SLC6A5: variants seen among roughly 807,000 people sequenced by gnomAD.
SLC6A5 encodes solute carrier family 6 member 5, also known as sodium- and chloride-dependent glycine transporter 2.
Under a neutral mutation model 90.5 loss-of-function variants are expected in SLC6A5, and 58 were observed. The observed-to-expected ratio is 0.64, with a 90% CI of 0.52 to 0.80. The LOEUF is 0.80. SLC6A5 is among the 30% of genes least tolerant of loss of function. The pLI is 0.00. For synonymous variants in SLC6A5, 427 were observed against 401.4 expected (o/e 1.06, Z -0.76); for missense variants, 1,015 against 1,017.6 (o/e 1.00, Z 0.03).
chr11:20,611,359 A>T (rs1339638920), intron 5 of SLC6A5, among the ~76,000 whole-genome samples: 1 of 152,194 alleles, frequency 6.6e-6, no homozygotes, highest in Non-Finnish European at 1.5e-5. Flanking sequence ...GGAGGCTGAG[A>T]CATGAGAATC....
At chr11:20,620,067 A>G (rs10741846) in intron 7 of SLC6A5, among the ~76,000 whole-genome samples, 151,383 of 152,292 alleles carry the variant, frequency 0.99, 75,251 homozygotes, top group East Asian at 1. Flanking sequence ...CAATTGCTCA[A>G]CAAGACTAGC....
chr11:20,627,691 G>A (rs75127014), intron 8 of SLC6A5, among the ~76,000 whole-genome samples: 21,245 of 152,226 alleles, frequency 0.14, 1,640 homozygotes, highest in African/African-American at 0.19. Flanking sequence ...CTAAAGGAAG[G>A]ACTCTCCCTT....
At chr11:20,606,863 G>T (rs759578739) in intron 3 of SLC6A5, 144 bp from the exon 4 acceptor site, 39 of 946,976 alleles carry the variant, frequency 4.1e-5, no homozygotes, top group Non-Finnish European at 6.4e-5. Context: ...TGCTGAAACA[G>T]GACATCAAAG....
intron 8 of SLC6A5, among the ~76,000 whole-genome samples, chr11:20,627,582 G>T (rs1301463535): frequency 6.6e-6 from 1 of 152,266 alleles, no homozygotes; most frequent in South Asian, 2.1e-4. Context: ...TTTAATAGCA[G>T]TTGTAATCTG....
At chr11:20,620,806 TA>T (rs1158230473) in intron 7 of SLC6A5, among the ~76,000 whole-genome samples, 4 of 152,132 alleles carry the variant, frequency 2.6e-5, no homozygotes, top group South Asian at 2.1e-4. Flanking sequence ...ATTTATTTTT[TA>T]TTTTTTTATT....
intron 14 of SLC6A5, among the ~76,000 whole-genome samples, chr11:20,648,039 A>G (rs1370163742): frequency 6.6e-6 from 1 of 152,190 alleles, no homozygotes. Context: ...ATAAGCTGCC[A>G]GCTTTGCCCC....
At chr11:20,654,099 A>G (rs17298481) in intron 15 of SLC6A5, among the ~76,000 whole-genome samples, 7,421 of 152,264 alleles carry the variant, frequency 0.049, 190 homozygotes, top group Middle Eastern at 0.13. Flanking sequence ...AGACATTCCT[A>G]TTATTTTTAG....
intron 4 of SLC6A5, 41 bp from the exon 5 acceptor site, chr11:20,607,438 A>G: frequency 6.2e-7 from 1 of 1,611,882 alleles, no homozygotes; most frequent in Non-Finnish European, 8.5e-7. Flanking sequence ...ATTCCATAGC[A>G]TTTAAGATGG....
intron 5 of SLC6A5, among the ~76,000 whole-genome samples, chr11:20,609,249 C>A (rs1852648779): frequency 6.6e-6 from 1 of 151,964 alleles, no homozygotes; most frequent in African/African-American, 2.4e-5. Context: ...CTGAGCAGAT[C>A]CTATCTCATT....
Position 20,652,467 on chromosome 11 carries a change from C to G in SLC6A5, c.2238+11C>G. On this transcript the variant is annotated intron_variant, in intron 15 of 15. Coordinates refer to ENST00000525748, the MANE Select transcript of SLC6A5 (RefSeq NM_004211.5). ...GGAAGATTTATTGAGGTAATTCTGT[C>G]TACTTCTTTCCCTCCCAATTCCTCC... 6.2e-7 allele frequency: 1 copy of G among 1,611,470 alleles called. No homozygotes were observed. The highest frequency in any genetic ancestry group is 8.5e-7 in the Non-Finnish European group (1 of 1,177,512).
chr11:20,600,335 G>GGAAGAAGAAGAAGAAGAAGAA lies in SLC6A5; in HGVS notation c.3+717_4-717dup, dbSNP rs55891826. On this transcript the variant is annotated intron_variant, in intron 1 of 15. Transcript: ENST00000525748. ...AATAGTTACGCAAAAAAGAAGAAGA[G>GGAAGAAGAAGAAGAAGAAGAA]GAAGAAGAAGAAGAAGAAGAAGAAG... Among the ~76,000 whole-genome samples the GGAAGAAGAAGAAGAAGAAGAA allele has an allele frequency of 1.3e-4, 11 of 87,948 alleles. 1 individual carries two copies. The highest frequency in any genetic ancestry group is 4.9e-4 in the South Asian group (1 of 2,054). 57.7% of individuals were successfully genotyped at this position (87,948 alleles called of 152,430 possible). A position where few individuals can be genotyped will look rare whatever the true frequency, so the allele number is the denominator to read the frequency against.
Position 20,654,928 on chromosome 11 carries a change from G to A in SLC6A5, c.*60G>A. ...TTTTTCCTCTCTGCCTCCTCCTAAT[G>A]TTTTCCATAGCTCTCCTCCCATTTT... On this transcript the variant is annotated 3_prime_UTR_variant, in exon 16 of 16. Coordinates refer to ENST00000525748, the MANE Select transcript of SLC6A5 (RefSeq NM_004211.5). The A allele has an allele frequency of 4.0e-6, 6 of 1,513,146 alleles. No homozygotes were observed. The Admixed American group carries it at 6.7e-5, about 17-fold the overall frequency. 93.7% of individuals were successfully genotyped at this position (1,513,146 alleles called of 1,614,324 possible). A position where few individuals can be genotyped will look rare whatever the true frequency, so the allele number is the denominator to read the frequency against.
At chr11:20,650,468 A>G (rs751438748) in intron 14 of SLC6A5, among the ~76,000 whole-genome samples, 5 of 151,540 alleles carry the variant, frequency 3.3e-5, no homozygotes, top group African/African-American at 1.2e-4. Context: ...TCAAGGGGGG[A>G]CTCATGAGTA....
intron 13 of SLC6A5, 142 bp downstream of exon 13, chr11:20,638,700 TG>T (rs1225226833): frequency 1.4e-6 from 1 of 700,266 alleles, no homozygotes; most frequent in Non-Finnish European, 2.6e-6. Context: ...GCTGCACTTT[TG>T]TTTCTAAACT....
intron 10 of SLC6A5, among the ~76,000 whole-genome samples, chr11:20,632,340 T>C (rs145027034): frequency 1.3e-5 from 2 of 152,288 alleles, no homozygotes; most frequent in Non-Finnish European, 2.9e-5. Context: ...GCCAGGTTAG[T>C]AAATGATTCT....
At chr11:20,645,829 G>T (rs1853402984) in intron 13 of SLC6A5, among the ~76,000 whole-genome samples, 1 of 152,026 alleles carries the variant, frequency 6.6e-6, no homozygotes, top group South Asian at 2.1e-4. Flanking sequence ...TAGGGACGGG[G>T]TTTCACCGTG....
rs193124046 is a variant in SLC6A5, at chr11:20,634,755, T to C, written c.1625-1552T>C. Among the ~76,000 whole-genome samples the C allele has an allele frequency of 3.7e-4, 56 of 152,338 alleles. No homozygotes were observed. The East Asian group carries it at 0.01, about 28-fold the overall frequency. ...TTATATTTTAAATACACAAAGGCCCTAGGCAACATTAGGAACTAACAACCT... is the reference window on the plus strand; with the variant it reads ...TTATATTTTAAATACACAAAGGCCCCAGGCAACATTAGGAACTAACAACCT... On this transcript the variant is annotated intron_variant, in intron 10 of 15. Transcript: ENST00000525748.
chr11:20,631,860 T>A (rs903139845), intron 10 of SLC6A5, among the ~76,000 whole-genome samples: 2 of 152,186 alleles, frequency 1.3e-5, no homozygotes, highest in Non-Finnish European at 2.9e-5. Flanking sequence ...AAATGTCACC[T>A]TCTTGGATAC....
At chr11:20,623,002 G>C (rs554688104) in intron 7 of SLC6A5, among the ~76,000 whole-genome samples, 1 of 152,298 alleles carries the variant, frequency 6.6e-6, no homozygotes, top group South Asian at 2.1e-4. Context: ...ACATCCACGT[G>C]TGGAAGGGCT....
Sources: allele counts gnomAD v4.1 joint callset (sites outside exome capture counted in the v4.1 genomes callset), GRCh38; gene constraint gnomAD v4.1.1; transcripts MANE v1.5; gene names NCBI Gene and HGNC (gene_info 2026-07-23, HGNC 2026-07-21).